CTNNA3: variants seen among roughly 807,000 people sequenced by gnomAD.
The protein encoded by CTNNA3 is catenin alpha 3.
CTNNA3 carries 76 observed loss-of-function variants against 95.7 expected under a neutral mutation model. The observed-to-expected ratio is 0.79, with a 90% CI of 0.66 to 0.96. The LOEUF (loss-of-function observed/expected upper bound fraction) is 0.96. CTNNA3 is among the 40% of genes least tolerant of loss of function. The pLI is 0.00. For missense variants in CTNNA3, 1,191 were observed against 1,089.8 expected, an observed-to-expected ratio of 1.09 and a Z score of -1.31; for synonymous variants, 431 against 374.4, an observed-to-expected ratio of 1.15 and a Z score of -1.74.
In CTNNA3 at chr10:66,743,974, C is replaced by CAAAA. The variant is rs536825430; in HGVS notation, c.1281+22286_1281+22289dup. Among the ~76,000 whole-genome samples, 64 of 44,988 alleles carry CAAAA rather than the reference C, an allele frequency of 1.4e-3. 1 individual carries two copies. Among genetic ancestry groups the CAAAA allele is most frequent in the African/African-American group, 2.0e-3 (24 of 11,850 alleles). 29.5% of individuals were successfully genotyped at this position (44,988 alleles called of 152,430 possible). A position where few individuals can be genotyped will look rare whatever the true frequency, so the allele number is the denominator to read the frequency against. ...CTGGTGACACAGTGAGATTCCATCT[C>CAAAA]AAAAAAAAAAAAAAAAAAAAAAAAA... On this transcript the variant is annotated intron_variant, in intron 9 of 17. Transcript: ENST00000433211.
At chr10:66,314,969 C>T (rs1399910478) in intron 12 of CTNNA3, among the ~76,000 whole-genome samples, 4 of 152,024 alleles carry the variant, frequency 2.6e-5, no homozygotes, top group African/African-American at 9.7e-5. Context: ...AAGAAACTTA[C>T]GATGTGTGGT....
chr10:67,552,265 T>C (rs542630693), intron 3 of CTNNA3, among the ~76,000 whole-genome samples: 1 of 152,234 alleles, frequency 6.6e-6, no homozygotes, highest in Non-Finnish European at 1.5e-5. Context: ...TAGTTTCTTA[T>C]AGGTTTTTTT....
chr10:67,052,343 TCTCTC>T (rs1564857018), intron 7 of CTNNA3, among the ~76,000 whole-genome samples: 61 of 135,664 alleles, frequency 4.5e-4, no homozygotes, highest in South Asian at 6.3e-4. Context: ...TCTCTCTCTC[TCTCTC>T]TCTCTCATTA....
chr10:67,620,903 A>ATGTGTG (rs1244995621), intron 2 of CTNNA3, among the ~76,000 whole-genome samples: 11 of 126,360 alleles, frequency 8.7e-5, no homozygotes, highest in African/African-American at 3.0e-4. Context: ...ATATATGTAT[A>ATGTGTG]TGTGTGTGTG....
At chr10:66,477,978 C>T (rs2441731) in intron 11 of CTNNA3, among the ~76,000 whole-genome samples, 22,902 of 152,018 alleles carry the variant, frequency 0.15, 3,605 homozygotes, top group East Asian at 0.77. Flanking sequence ...GACACTGCTT[C>T]TAAGTTCATA....
At chr10:66,486,889 A>G (rs1465451755) in intron 11 of CTNNA3, among the ~76,000 whole-genome samples, 2 of 152,058 alleles carry the variant, frequency 1.3e-5, no homozygotes, top group African/African-American at 4.8e-5. Context: ...AAATCCTGCC[A>G]TATATGACAA....
intron 9 of CTNNA3, among the ~76,000 whole-genome samples, chr10:66,761,768 T>C (rs1360143438): frequency 6.6e-6 from 1 of 152,182 alleles, no homozygotes; most frequent in East Asian, 1.9e-4. Flanking sequence ...AAAGATGTTA[T>C]TGAATTGTCA....
intron 1 of CTNNA3, among the ~76,000 whole-genome samples, chr10:67,695,554 C>T (rs946468660): frequency 6.6e-6 from 1 of 152,118 alleles, no homozygotes; most frequent in Non-Finnish European, 1.5e-5. Flanking sequence ...ATGCTTTTTG[C>T]CATTATCTCA....
At chr10:66,861,036 T>C (rs1039058625) in intron 7 of CTNNA3, among the ~76,000 whole-genome samples, 2 of 152,220 alleles carry the variant, frequency 1.3e-5, no homozygotes, top group African/African-American at 4.8e-5. Context: ...AGGGAATTCA[T>C]TGCAGTCATG....
chr10:66,914,093 T>C (rs1185826191), intron 7 of CTNNA3, among the ~76,000 whole-genome samples: 1 of 150,468 alleles, frequency 6.6e-6, no homozygotes, highest in Non-Finnish European at 1.5e-5. Context: ...TAACACAAAA[T>C]CCACCACCAA....
chr10:67,176,694 G>T (rs1432845873), intron 7 of CTNNA3, among the ~76,000 whole-genome samples: 1 of 152,182 alleles, frequency 6.6e-6, no homozygotes, highest in Non-Finnish European at 1.5e-5. Flanking sequence ...GATTATCCTG[G>T]ATAATCTGGG....
rs370838959 is a variant in CTNNA3 at position 66,981,844 on chromosome 10, C to T, written c.1047+198473G>A. Among the ~76,000 whole-genome samples the T allele has an allele frequency of 9.8e-5, 15 of 152,336 alleles. 1 individual carries two copies. In the East Asian group the frequency reaches 1.7e-3, roughly 18 times the overall value. Reference sequence around the variant, plus strand: ...ACATCGAGCACATTGCATCATCTTCCTGCTGCTGCAGTGTTCTATAATTTT... The same window carrying T: ...ACATCGAGCACATTGCATCATCTTCTTGCTGCTGCAGTGTTCTATAATTTT... On this transcript the variant is annotated intron_variant, in intron 7 of 17. Transcript: ENST00000433211.
chr10:66,777,183 G>A (rs1345825211), intron 7 of CTNNA3, among the ~76,000 whole-genome samples: 1 of 152,102 alleles, frequency 6.6e-6, no homozygotes, highest in East Asian at 1.9e-4. Flanking sequence ...GAGATCATTC[G>A]ATACACTGCA....
intron 5 of CTNNA3, among the ~76,000 whole-genome samples, chr10:67,329,531 C>G (rs1841692602): frequency 3.3e-5 from 5 of 152,068 alleles, no homozygotes. Flanking sequence ...AAAGGAAAAC[C>G]ACTCAGGCCC....
At chr10:67,562,395 T>C (rs912926864) in intron 3 of CTNNA3, among the ~76,000 whole-genome samples, 23 of 152,248 alleles carry the variant, frequency 1.5e-4, no homozygotes, top group African/African-American at 5.3e-4. Context: ...AACCACATGA[T>C]TATCTTAATA....
At chr10:67,234,396 G>C (rs956440613) in intron 5 of CTNNA3, among the ~76,000 whole-genome samples, 30 of 152,190 alleles carry the variant, frequency 2.0e-4, no homozygotes, top group African/African-American at 7.2e-4. Context: ...CATTTAAACA[G>C]AAGCAAAGAC....
At chr10:67,746,625 G>A (rs1841376201) in intron 1 of CTNNA3, among the ~76,000 whole-genome samples, 1 of 152,174 alleles carries the variant, frequency 6.6e-6, no homozygotes, top group African/African-American at 2.4e-5. Flanking sequence ...AGCCAAGGGA[G>A]ACGGTGAGCA....
intron 13 of CTNNA3, among the ~76,000 whole-genome samples, chr10:66,271,509 T>C (rs1258449144): frequency 6.6e-6 from 1 of 152,216 alleles, no homozygotes; most frequent in Admixed American, 6.5e-5. Context: ...AAGTTTATAA[T>C]AGTATGACAT....
intron 9 of CTNNA3, among the ~76,000 whole-genome samples, chr10:66,651,556 G>T (rs1216696704): frequency 6.6e-6 from 1 of 152,128 alleles, no homozygotes; most frequent in Non-Finnish European, 1.5e-5. Context: ...TGGGGAGGGG[G>T]GTTGGGGGGC....
Sources: allele counts gnomAD v4.1 joint callset (sites outside exome capture counted in the v4.1 genomes callset), GRCh38; gene constraint gnomAD v4.1.1; transcripts MANE v1.5; gene names NCBI Gene and HGNC (gene_info 2026-07-23, HGNC 2026-07-21).